Variants in ZNF875 observed in about 807,000 individuals in gnomAD.
ZNF875 encodes zinc finger protein 875.
A neutral mutation model predicts 11.2 loss-of-function variants in ZNF875; 14 were observed. That is an observed-to-expected ratio of 1.26 (90% confidence interval 0.83 to 1.96). The LOEUF (loss-of-function observed/expected upper bound fraction) is 1.96, where lower values mean the gene tolerates loss of function less well. ZNF875 is among the 30% of genes most tolerant of loss of function. The pLI, the probability that ZNF875 is intolerant of heterozygous loss-of-function variation, is 0.00. For synonymous variants in ZNF875, 301 were observed against 281.1 expected (o/e 1.07, Z -0.71); for missense variants, 752 against 760.4 (o/e 0.99, Z 0.13).
intron 4 of ZNF875, chr19:37,357,939 C>A: frequency 2.5e-6 from 1 of 398,304 alleles, no homozygotes; most frequent in Non-Finnish European, 4.4e-6. Flanking sequence ...GAGCAGACAT[C>A]CTTTTCTTGT....
chr19:37,351,998 C>T (rs1183698695), intron 4 of ZNF875, among the ~76,000 whole-genome samples: 16 of 152,150 alleles, frequency 1.1e-4, no homozygotes, highest in Non-Finnish European at 4.4e-5. Flanking sequence ...TCCATTACTG[C>T]AAAGGTGTGT....
upstream of ZNF875, among the ~76,000 whole-genome samples, chr19:37,330,666 T>G (rs2033228767): frequency 1.3e-5 from 2 of 152,230 alleles, no homozygotes; most frequent in South Asian, 2.1e-4. Context: ...CTAAAAGTTT[T>G]CCTCCAGCCA....
chr19:37,327,496 A>G (rs2032675266), intron 4 of ZNF875, among the ~76,000 whole-genome samples: 1 of 152,020 alleles, frequency 6.6e-6, no homozygotes, highest in Non-Finnish European at 1.5e-5. Context: ...GGGCAGGCAT[A>G]GTGGCTCATA....
At chr19:37,350,890 G>A (rs537308104) in intron 4 of ZNF875, among the ~76,000 whole-genome samples, 3 of 141,924 alleles carry the variant, frequency 2.1e-5, no homozygotes, top group East Asian at 2.1e-4. Flanking sequence ...CTGCAACCTC[G>A]GCCTACTGGA....
intron 2 of ZNF875, among the ~76,000 whole-genome samples, chr19:37,345,743 T>C (rs1289663119): frequency 6.6e-6 from 1 of 152,126 alleles, no homozygotes; most frequent in East Asian, 1.9e-4. Flanking sequence ...AAACACAAGT[T>C]TTAAAGCAGT....
rs759609006 is a variant in ZNF875 at position 37,363,005 on chromosome 19, A to G, written c.1153A>G (p.Lys385Glu). ...CCAGCATTCACACCTGGTCAGACAC[A>G]AGAGGACACATTCAGGAGAGAAGCC... Reference protein sequence around the residue: ...FRQHSHLVRHKRTHSGEKPYI... With the variant: ...FRQHSHLVRHERTHSGEKPYI... The change falls in exon 5 of 5, where the codon AAG becomes GAG. Residue 385 changes from lysine to glutamate, a missense_variant. By Grantham distance (56) the Lys-to-Glu change is moderately conservative (BLOSUM62 1). Coordinates refer to ENST00000392153, the MANE Select transcript of ZNF875 (RefSeq NM_001353803.2). 6.2e-7 allele frequency: 1 copy of G among 1,613,994 alleles called. No individual in the cohort carries two copies. The highest frequency in any genetic ancestry group is 8.5e-7 in the Non-Finnish European group (1 of 1,179,998).
Position 37,363,206 on chromosome 19 carries a change from T to A in ZNF875, c.1354T>A (p.Cys452Ser), listed in dbSNP as rs551626575. The A allele has an allele frequency of 3.7e-6, 6 of 1,613,946 alleles. No homozygotes were observed. Among genetic ancestry groups the A allele is most frequent in the Admixed American group, 3.3e-5 (2 of 60,000 alleles). Reference sequence around the variant, plus strand: ...ACACTCAGGGGTTAAACCTTATGTCTGCCTGGAGTGCGGGCAGTGCTTTAG... The same window carrying A: ...ACACTCAGGGGTTAAACCTTATGTCAGCCTGGAGTGCGGGCAGTGCTTTAG... ...RTHSGVKPYVCLECGQCFSLK... is the reference protein window; with the variant it reads ...RTHSGVKPYVSLECGQCFSLK... Residue 452 changes from cysteine (C) to serine (S), a missense_variant, in exon 5 of 5, where the codon TGC (cysteine) becomes AGC (serine). Physicochemically the swap from Cys to Ser is moderately radical, Grantham distance 112. Coordinates refer to ENST00000392153, the MANE Select transcript of ZNF875 (RefSeq NM_001353803.2).
chr19:37,328,364 G>A (rs1010469691), intron 4 of ZNF875, among the ~76,000 whole-genome samples: 2 of 152,172 alleles, frequency 1.3e-5, no homozygotes, highest in Admixed American at 1.3e-4. Flanking sequence ...TCATGTGTTG[G>A]AAACTCAACC....
intron 2 of ZNF875, among the ~76,000 whole-genome samples, chr19:37,335,469 G>A (rs547949288): frequency 1.3e-5 from 2 of 152,184 alleles, no homozygotes; most frequent in African/African-American, 4.8e-5. Flanking sequence ...CACGGACCTG[G>A]TGGACTGAAC....
chr19:37,316,669 CTATTT>C (rs1008324136), upstream of ZNF875, among the ~76,000 whole-genome samples: 14 of 144,994 alleles, frequency 9.7e-5, no homozygotes, highest in African/African-American at 2.6e-4. Context: ...TGCGCCCGGC[CTATTT>C]TATTTTAAGA....
At chr19:37,322,098 G>T (rs1449706837) in intron 1 of ZNF875, 1 of 152,240 alleles carries the variant, frequency 6.6e-6, no homozygotes, top group Non-Finnish European at 1.5e-5. Context: ...TTATTGGTCA[G>T]GGCAGGAGTT....
upstream of ZNF875, among the ~76,000 whole-genome samples, chr19:37,330,818 G>T (rs8107363): frequency 0.015 from 2,244 of 152,202 alleles, 65 homozygotes; most frequent in African/African-American, 0.051. Context: ...GATTCTGGAA[G>T]TTTGTTCTTC....
upstream of ZNF875, among the ~76,000 whole-genome samples, chr19:37,332,431 G>T (rs1049045216): frequency 1.3e-5 from 2 of 152,168 alleles, no homozygotes; most frequent in African/African-American, 4.8e-5. Flanking sequence ...TGGCCAGGCT[G>T]GTCTCGAACT....
At chr19:37,335,350 AAGTCATTCCTAGCCCT>A (rs1250014180) in intron 2 of ZNF875, 93 bp downstream of exon 2, 11 of 623,444 alleles carry the variant, frequency 1.8e-5, no homozygotes, top group East Asian at 5.6e-5. Context: ...GTATTGGGCA[AAGTCATTCCTAGCCCT>A]AGTCATTCCT....
upstream of ZNF875, chr19:37,334,552 C>T (rs2033879994): frequency 5.4e-6 from 2 of 371,412 alleles, no homozygotes; most frequent in Admixed American, 3.3e-5. Flanking sequence ...GCCGACTTCT[C>T]CGCCTCTGTA....
In ZNF875 at chr19:37,343,982, C is replaced by G. The variant is rs7245607; in HGVS notation, c.34-3208C>G. ...TTCAGCTCCATAAGCTTCCCAAGGA[C>G]TGGGGTGCTTTCATCTCTGCAGTCT... On this transcript the variant is annotated intron_variant, in intron 2 of 4. Coordinates refer to ENST00000392153, the MANE Select transcript of ZNF875 (RefSeq NM_001353803.2). Among the ~76,000 whole-genome samples, 675 of 152,226 alleles carry G rather than the reference C, an allele frequency of 4.4e-3. 7 individuals carry two copies. The highest frequency in any genetic ancestry group is 0.016 in the African/African-American group (645 of 41,522).
chr19:37,352,263 C>G (rs2038041208), intron 4 of ZNF875, among the ~76,000 whole-genome samples: 1 of 151,658 alleles, frequency 6.6e-6, no homozygotes, highest in South Asian at 2.1e-4. Flanking sequence ...GTTGCCCAGG[C>G]TGGAGTGCAG....
intron 2 of ZNF875, among the ~76,000 whole-genome samples, chr19:37,336,324 G>A (rs1237219899): frequency 5.9e-5 from 8 of 136,058 alleles, no homozygotes; most frequent in Non-Finnish European, 9.4e-5. Flanking sequence ...TTTTGAGACC[G>A]AGTCTCACTC....
intron 2 of ZNF875, among the ~76,000 whole-genome samples, chr19:37,339,098 A>G (rs192802803): frequency 6.6e-6 from 1 of 152,102 alleles, no homozygotes; most frequent in East Asian, 1.9e-4. Context: ...ACAGTTAATG[A>G]TGGGTAAAAC....
Sources: gnomAD v4.1 joint callset for allele counts (sites outside exome capture counted in the v4.1 genomes callset) on GRCh38, gnomAD v4.1.1 for gene constraint, MANE v1.5 for transcripts, NCBI Gene and HGNC (gene_info 2026-07-23, HGNC 2026-07-21) for gene names.